Variants in MDGA2 observed in about 807,000 individuals in gnomAD.
The protein encoded by MDGA2 is MAM domain-containing glycosylphosphatidylinositol anchor protein 2.
Under a neutral mutation model 117.8 loss-of-function variants are expected in MDGA2, and 40 were observed. The ratio of observed to expected loss-of-function variants is 0.34; its 90% CI spans 0.26 to 0.44. The LOEUF (loss-of-function observed/expected upper bound fraction) is 0.44. Ranked by LOEUF, MDGA2 falls within the 20% of genes least tolerant of loss-of-function variation. The pLI, the probability that MDGA2 is intolerant of heterozygous loss-of-function variation, is 1.00. For missense variants in MDGA2, 1,123 were observed against 1,250.6 expected (o/e 0.90, Z 1.54); for synonymous variants, 452 against 439.0 (o/e 1.03, Z -0.37).
At chr14:47,606,025 A>C (rs367969361) in intron 1 of MDGA2, among the ~76,000 whole-genome samples, 2 of 152,120 alleles carry the variant, frequency 1.3e-5, no homozygotes, top group Non-Finnish European at 2.9e-5. Flanking sequence ...CTGTTGCCCA[A>C]ATTAGTGTGT....
chr14:47,148,299 G>C (rs1178266709), intron 3 of MDGA2, among the ~76,000 whole-genome samples: 1 of 152,126 alleles, frequency 6.6e-6, no homozygotes, highest in Non-Finnish European at 1.5e-5. Context: ...TCCTCCAGTA[G>C]GTCACTGGAT....
chr14:46,996,997 G>T, intron 8 of MDGA2: 2 of 367,524 alleles, frequency 5.4e-6, no homozygotes, highest in Non-Finnish European at 5.1e-6. Context: ...CTTTACAGTG[G>T]CCAAAAACTA....
rs1885887174 is a variant in MDGA2, at chr14:47,211,620, T to G, written c.595+6401A>C. 3.3e-5 allele frequency among the ~76,000 whole-genome samples: 5 copies of G among 152,176 alleles called. No individual in the cohort carries two copies. In the South Asian group the frequency reaches 1.0e-3, roughly 32 times the overall value. ...TACTATCCTGGTCAGGAAACAAATC[T>G]GCCCTCTTCCCTAAAGGCAGACACT... On this transcript the variant is annotated intron_variant, in intron 3 of 16. Transcript: ENST00000399232.
chr14:47,375,077 CTGTT>C (rs1006774562), intron 1 of MDGA2, among the ~76,000 whole-genome samples: 4 of 151,288 alleles, frequency 2.6e-5, no homozygotes, highest in African/African-American at 9.7e-5. Context: ...CTTTCAAAAC[CTGTT>C]TTTTTTAATT....
chr14:47,153,713 A>AT (rs1283992708), intron 3 of MDGA2, among the ~76,000 whole-genome samples: 2 of 151,864 alleles, frequency 1.3e-5, no homozygotes, highest in African/African-American at 2.4e-5. Flanking sequence ...AAGAAATAAA[A>AT]AAAAAAAAAA....
At chr14:47,372,388 A>T (rs1198025623) in intron 1 of MDGA2, among the ~76,000 whole-genome samples, 1 of 151,980 alleles carries the variant, frequency 6.6e-6, no homozygotes, top group Non-Finnish European at 1.5e-5. Flanking sequence ...GAAGAAAACA[A>T]ACAAATTTGA....
chr14:47,201,971 A>T (rs1459707080), intron 3 of MDGA2, among the ~76,000 whole-genome samples: 1 of 152,210 alleles, frequency 6.6e-6, no homozygotes, highest in Non-Finnish European at 1.5e-5. Context: ...TATTATTGTT[A>T]GTAGAGTACC....
At chr14:47,244,087 G>T in intron 2 of MDGA2, among the ~76,000 whole-genome samples, 1 of 151,734 alleles carries the variant, frequency 6.6e-6, no homozygotes, top group East Asian at 1.9e-4. Context: ...TCTTGTGAGA[G>T]ATTCTGCTTT....
chr14:47,592,782 C>A (rs1896465102), intron 1 of MDGA2, among the ~76,000 whole-genome samples: 1 of 151,948 alleles, frequency 6.6e-6, no homozygotes, highest in Non-Finnish European at 1.5e-5. Context: ...CTATAAAAAC[C>A]CTGGAAAAAT....
At chr14:47,220,611 T>G (rs1886263731) in intron 2 of MDGA2, among the ~76,000 whole-genome samples, 1 of 94,010 alleles carries the variant, frequency 1.1e-5, no homozygotes, top group Admixed American at 9.1e-5. Flanking sequence ...GAGTTATACC[T>G]ACCTAACCTA....
At chr14:47,450,804 T>G (rs1340371040) in intron 1 of MDGA2, among the ~76,000 whole-genome samples, 1 of 152,050 alleles carries the variant, frequency 6.6e-6, no homozygotes, top group Non-Finnish European at 1.5e-5. Context: ...TTTTTTCAAG[T>G]GATTGTGATT....
At chr14:47,266,587 T>C (rs150024966) in intron 2 of MDGA2, among the ~76,000 whole-genome samples, 137 of 152,324 alleles carry the variant, frequency 9.0e-4, no homozygotes, top group African/African-American at 3.1e-3. Flanking sequence ...CAGAGAGGAC[T>C]CAACTCCAAA....
rs189862813 is a variant in MDGA2 at position 47,383,844 on chromosome 14, T to G, written c.281-82294A>C. ...CCGGACGGTTCATTAGAATTGCTAA[T>G]GCACAAAGCACTCTAATTGTGAATA... On this transcript the variant is annotated intron_variant, in intron 1 of 16. Coordinates refer to ENST00000399232, the MANE Select transcript of MDGA2 (RefSeq NM_001113498.3). Among the ~76,000 whole-genome samples, 22 of 152,250 alleles carry G rather than the reference T, an allele frequency of 1.4e-4. No homozygotes were observed. In the East Asian group the frequency reaches 3.9e-3, roughly 27 times the overall value.
intron 1 of MDGA2, among the ~76,000 whole-genome samples, chr14:47,365,357 G>A (rs1298770713): frequency 1.3e-5 from 2 of 152,230 alleles, no homozygotes; most frequent in African/African-American, 2.4e-5. Context: ...CTGCTAAGGC[G>A]GAGATAACTC....
At chr14:47,267,952 G>A (rs1273090184) in intron 2 of MDGA2, among the ~76,000 whole-genome samples, 2 of 152,030 alleles carry the variant, frequency 1.3e-5, no homozygotes, top group Non-Finnish European at 2.9e-5. Context: ...ACTGAGCAAC[G>A]TTCTTTCTGC....
chr14:47,604,494 C>A (rs540908190), intron 1 of MDGA2, among the ~76,000 whole-genome samples: 7 of 130,910 alleles, frequency 5.3e-5, no homozygotes, highest in South Asian at 2.9e-4. Context: ...CCCACCCCCC[C>A]CCACCCTCAC....
chr14:46,945,955 A>T (rs1198292748), intron 9 of MDGA2, among the ~76,000 whole-genome samples: 1 of 152,150 alleles, frequency 6.6e-6, no homozygotes, highest in African/African-American at 2.4e-5. Flanking sequence ...TGTATAATGC[A>T]TGTATTTTAA....
intron 8 of MDGA2, among the ~76,000 whole-genome samples, chr14:47,034,079 T>C (rs1241476537): frequency 2.0e-5 from 3 of 152,230 alleles, no homozygotes; most frequent in African/African-American, 7.2e-5. Flanking sequence ...ATATTGTATA[T>C]TTAACAAATA....
chr14:47,024,647 T>C (rs955585894), intron 8 of MDGA2, among the ~76,000 whole-genome samples: 1 of 152,154 alleles, frequency 6.6e-6, no homozygotes, highest in Non-Finnish European at 1.5e-5. Flanking sequence ...TGAGAAACAA[T>C]ATCAAAGAAA....
Sources: allele counts gnomAD v4.1 joint callset (sites outside exome capture counted in the v4.1 genomes callset), GRCh38; gene constraint gnomAD v4.1.1; transcripts MANE v1.5; gene names NCBI Gene and HGNC (gene_info 2026-07-23, HGNC 2026-07-21).